The following CLIP2 variants were observed in gnomAD, a reference collection of about 807,000 sequenced individuals.
CLIP2 encodes CAP-Gly domain containing linker protein 2, also known as CAP-Gly domain-containing linker protein 2.
In CLIP2, 41 loss-of-function variants were observed where a neutral mutation model predicts 111.7. That is an observed-to-expected ratio of 0.37 (90% CI 0.29 to 0.48). The LOEUF (loss-of-function observed/expected upper bound fraction) is 0.48. CLIP2 is among the 20% of genes least tolerant of loss of function. CLIP2 has a pLI of 0.99. For missense variants in CLIP2, 1,160 were observed against 1,422.1 expected, an observed-to-expected ratio of 0.82 and a Z score of 2.96; for synonymous variants, 660 against 644.2, an observed-to-expected ratio of 1.02 and a Z score of -0.37.
intron 2 of CLIP2, among the ~76,000 whole-genome samples, chr7:74,333,596 C>T (rs1047198233): frequency 5.3e-5 from 8 of 152,228 alleles, no homozygotes; most frequent in African/African-American, 1.9e-4. Flanking sequence ...ATCCTCCTGC[C>T]TCAGCCTCCC....
At chr7:74,397,261 C>A in intron 14 of CLIP2, 28 bp downstream of exon 14, 8 of 1,598,944 alleles carry the variant, frequency 5.0e-6, no homozygotes, top group Non-Finnish European at 6.8e-6. Flanking sequence ...GGCCTAGGGG[C>A]AGGGGCACTA....
intron 1 of CLIP2, among the ~76,000 whole-genome samples, chr7:74,311,531 G>A (rs1045694955): frequency 2.0e-5 from 3 of 151,926 alleles, no homozygotes; most frequent in African/African-American, 7.3e-5. Context: ...TATCTTCTTC[G>A]GTGAAATGTA....
chr7:74,405,525 C>G lies in CLIP2; in HGVS notation c.*1677C>G, dbSNP rs1411536385. 6.5e-6 allele frequency: 1 copy of G among 153,128 alleles called. No homozygotes were observed. The highest frequency in any genetic ancestry group is 1.5e-5 in the Non-Finnish European group (1 of 68,420). 9.5% of individuals were successfully genotyped at this position (153,128 alleles called of 1,614,324 possible). ...GTCCCCCCGGCCCCCCTCCCAGTCC[C>G]TGTTGGCTTTCGGTAGCTCTCGCAT... On this transcript the variant is annotated 3_prime_UTR_variant, in exon 17 of 17. Coordinates refer to ENST00000223398, the MANE Select transcript of CLIP2 (RefSeq NM_003388.5).
intron 1 of CLIP2, among the ~76,000 whole-genome samples, chr7:74,290,118 G>C (rs1211858993): frequency 6.6e-6 from 1 of 152,180 alleles, no homozygotes; most frequent in African/African-American, 2.4e-5. Context: ...GGCTGGACGC[G>C]CCGCAGGGCT....
chr7:74,366,013 T>C (rs1790464057), intron 8 of CLIP2, among the ~76,000 whole-genome samples: 1 of 151,948 alleles, frequency 6.6e-6, no homozygotes, highest in Admixed American at 6.6e-5. Context: ...ACTCCTAGGT[T>C]CAAGCAATCC....
At chr7:74,351,379 A>G (rs930444595) in intron 3 of CLIP2, among the ~76,000 whole-genome samples, 2 of 137,648 alleles carry the variant, frequency 1.5e-5, no homozygotes, top group Admixed American at 8.1e-5. Context: ...CTTGTCCAGG[A>G]GGCCAAGGTT....
intron 7 of CLIP2, among the ~76,000 whole-genome samples, chr7:74,363,800 G>A (rs544811456): frequency 2.6e-5 from 4 of 151,748 alleles, no homozygotes; most frequent in Non-Finnish European, 5.9e-5. Context: ...GGAAGCTGAG[G>A]CAGGAGAATT....
intron 10 of CLIP2, 40 bp from the exon 11 acceptor site, chr7:74,380,766 G>C (rs1790919584): frequency 4.5e-6 from 7 of 1,567,238 alleles, no homozygotes; most frequent in Non-Finnish European, 6.1e-6. Context: ...GGGCCAAGGG[G>C]CAGAGGTGAG....
chr7:74,301,424 C>T (rs1265140679), intron 1 of CLIP2, among the ~76,000 whole-genome samples: 1 of 152,254 alleles, frequency 6.6e-6, no homozygotes, highest in African/African-American at 2.4e-5. Context: ...GCTCTTGTTG[C>T]CAGGCTGCAG....
chr7:74,364,476 G>A (rs1295814204), intron 8 of CLIP2, among the ~76,000 whole-genome samples, 161 bp downstream of exon 8: 2 of 152,170 alleles, frequency 1.3e-5, no homozygotes, highest in Non-Finnish European at 2.9e-5. Context: ...TGAGGTGTTA[G>A]TGGCTCAGCC....
At chr7:74,298,455 C>T (rs1339860826) in intron 1 of CLIP2, among the ~76,000 whole-genome samples, 5 of 150,724 alleles carry the variant, frequency 3.3e-5, no homozygotes, top group African/African-American at 4.9e-5. Flanking sequence ...CCACCCAGCT[C>T]GGCCTCTGCA....
intron 3 of CLIP2, among the ~76,000 whole-genome samples, chr7:74,342,711 C>T (rs1332861495): frequency 6.6e-6 from 1 of 151,960 alleles, no homozygotes; most frequent in Non-Finnish European, 1.5e-5. Context: ...GTCAGGAGTT[C>T]AAGACCAGCC....
At chr7:74,299,127 T>C (rs1788251727) in intron 1 of CLIP2, among the ~76,000 whole-genome samples, 1 of 151,592 alleles carries the variant, frequency 6.6e-6, no homozygotes, top group African/African-American at 2.4e-5. Flanking sequence ...AGCCCAGGAG[T>C]TGGAGACCAG....
At chr7:74,295,738 C>T (rs1274328227) in intron 1 of CLIP2, among the ~76,000 whole-genome samples, 1 of 152,170 alleles carries the variant, frequency 6.6e-6, no homozygotes, top group Non-Finnish European at 1.5e-5. Context: ...GGCATCAGGG[C>T]TCACGCCTGT....
chr7:74,353,578 C>T (rs1790070341), intron 3 of CLIP2, among the ~76,000 whole-genome samples: 1 of 152,190 alleles, frequency 6.6e-6, no homozygotes, highest in Non-Finnish European at 1.5e-5. Flanking sequence ...GATGAAGATG[C>T]TGAGGCTCAG....
intron 2 of CLIP2, among the ~76,000 whole-genome samples, chr7:74,329,089 T>G (rs1789203460): frequency 7.3e-6 from 1 of 137,374 alleles, no homozygotes; most frequent in Admixed American, 7.1e-5. Flanking sequence ...TTTTTTTGGT[T>G]TTTTTTTTTT....
intron 1 of CLIP2, among the ~76,000 whole-genome samples, chr7:74,296,924 C>T (rs1554726204): frequency 6.6e-6 from 1 of 152,200 alleles, no homozygotes; most frequent in Non-Finnish European, 1.5e-5. Context: ...TTTGTAATGA[C>T]AGCCATAGCA....
chr7:74,352,650 G>C (rs526174), intron 3 of CLIP2, among the ~76,000 whole-genome samples: 91,995 of 148,894 alleles, frequency 0.62, 29,761 homozygotes, highest in Middle Eastern at 0.74. Flanking sequence ...GCGCGCACCT[G>C]TAGTCCCAGC....
intron 1 of CLIP2, among the ~76,000 whole-genome samples, chr7:74,303,473 C>T (rs560848460): frequency 2.7e-4 from 41 of 152,010 alleles, no homozygotes; most frequent in African/African-American, 8.9e-4. Context: ...GAAGGGCTCA[C>T]CATTGGCTCA....
Sources: gnomAD v4.1 joint callset for allele counts (sites outside exome capture counted in the v4.1 genomes callset) on GRCh38, gnomAD v4.1.1 for gene constraint, MANE v1.5 for transcripts, NCBI Gene and HGNC (gene_info 2026-07-23, HGNC 2026-07-21) for gene names.